The following DLG2 variants were observed in gnomAD, a reference collection of about 807,000 sequenced individuals.
DLG2 encodes the protein discs large MAGUK scaffold protein 2, also known as disks large homolog 2.
Under a neutral mutation model 132.5 loss-of-function variants are expected in DLG2, and 45 were observed. The observed-to-expected ratio is 0.34, with a 90% confidence interval of 0.27 to 0.44. The LOEUF is 0.44. Ranked by LOEUF, DLG2 falls within the 20% of genes least tolerant of loss-of-function variation. The pLI is 1.00. For synonymous variants in DLG2, 424 were observed against 419.6 expected (o/e 1.01, Z -0.13); for missense variants, 1,045 against 1,196.9 (o/e 0.87, Z 1.87).
At chr11:84,540,931 T>TATCA (rs1158729375) in intron 6 of DLG2, among the ~76,000 whole-genome samples, 1 of 152,072 alleles carries the variant, frequency 6.6e-6, no homozygotes, top group African/African-American at 2.4e-5. Context: ...CTGAGCAAAC[T>TATCA]ATCACAAGGA....
chr11:85,182,048 AG>A (rs551189519), intron 4 of DLG2, among the ~76,000 whole-genome samples: 39 of 152,094 alleles, frequency 2.6e-4, no homozygotes, highest in Admixed American at 4.6e-4. Flanking sequence ...AGAAATAAAT[AG>A]TTTTTATTTT....
chr11:83,994,429 A>G (rs1405121733), intron 11 of DLG2, among the ~76,000 whole-genome samples: 1 of 152,126 alleles, frequency 6.6e-6, no homozygotes, highest in African/African-American at 2.4e-5. Context: ...ACAGGGGTCT[A>G]TGCTATGTTG....
At chr11:85,344,142 T>C (rs1415097751) in intron 3 of DLG2, among the ~76,000 whole-genome samples, 1 of 152,206 alleles carries the variant, frequency 6.6e-6, no homozygotes, top group Non-Finnish European at 1.5e-5. Context: ...TGTACCTCTG[T>C]CCACCTATAA....
chr11:84,611,506 C>CATT (rs956410468), intron 6 of DLG2, among the ~76,000 whole-genome samples: 1 of 152,132 alleles, frequency 6.6e-6, no homozygotes, highest in Non-Finnish European at 1.5e-5. Flanking sequence ...AAAATTCTAT[C>CATT]ATTATTAGTC....
At chr11:84,714,349 G>A (rs573780852) in intron 6 of DLG2, among the ~76,000 whole-genome samples, 6 of 152,142 alleles carry the variant, frequency 3.9e-5, no homozygotes, top group African/African-American at 1.4e-4. Context: ...AAACAAATGG[G>A]CAAACAAAAC....
intron 6 of DLG2, among the ~76,000 whole-genome samples, chr11:84,568,133 G>A (rs541304748): frequency 6.6e-6 from 1 of 152,316 alleles, no homozygotes; most frequent in Admixed American, 6.5e-5. Context: ...TAGAAACAAA[G>A]AAAGGAACCA....
chr11:84,850,652 TAAAG>T (rs1477715882), intron 6 of DLG2, among the ~76,000 whole-genome samples: 4 of 152,074 alleles, frequency 2.6e-5, no homozygotes, highest in Admixed American at 2.6e-4. Flanking sequence ...CAGAGTATCT[TAAAG>T]AATCCACAAA....
intron 19 of DLG2, among the ~76,000 whole-genome samples, chr11:83,628,050 T>C (rs950214778): frequency 6.6e-6 from 1 of 152,218 alleles, no homozygotes; most frequent in African/African-American, 2.4e-5. Flanking sequence ...CGCCCACTTT[T>C]TGATGGGGTT....
In DLG2 at chr11:84,302,693, T is replaced by A. The variant is rs915261526; in HGVS notation, c.520-51402A>T. ...TATTTTTTACCATAAGCTTGTATTA[T>A]ATTTAAACTAAATAATACAAATTGT... On this transcript the variant is annotated intron_variant, in intron 7 of 27. Transcript: ENST00000376104. Among the ~76,000 whole-genome samples the A allele has an allele frequency of 2.6e-5, 4 of 152,240 alleles. No individual in the cohort carries two copies. In the East Asian group the frequency reaches 7.7e-4, roughly 29 times the overall value.
intron 7 of DLG2, among the ~76,000 whole-genome samples, chr11:84,389,981 G>C (rs1327613856): frequency 6.6e-6 from 1 of 152,032 alleles, no homozygotes; most frequent in Non-Finnish European, 1.5e-5. Context: ...GTATCATTTA[G>C]GTATATATGT....
chr11:85,165,979 T>C (rs1020317469), intron 4 of DLG2, among the ~76,000 whole-genome samples: 2 of 152,134 alleles, frequency 1.3e-5, no homozygotes, highest in Admixed American at 1.3e-4. Context: ...ACCACATCTT[T>C]ACTGCCCACT....
chr11:83,514,589 G>A lies in DLG2; in HGVS notation c.2193+18119C>T, dbSNP rs577744677. The stretch of plus-strand genomic sequence containing the variant: ...ATGTTGAATAGGAGTGGTGAGAGAA[G>A]ACATCCCTGTCTTGTGCCAGTTTTC... On this transcript the variant is annotated intron_variant, in intron 21 of 27. Transcript: ENST00000376104. 8.9e-4 allele frequency among the ~76,000 whole-genome samples: 135 copies of A among 152,270 alleles called. 2 individuals are homozygous for A. The highest frequency in any genetic ancestry group is 7.5e-3 in the South Asian group (36 of 4,822).
At chr11:84,849,439 C>T (rs2081917189) in intron 6 of DLG2, among the ~76,000 whole-genome samples, 1 of 152,066 alleles carries the variant, frequency 6.6e-6, no homozygotes, top group South Asian at 2.1e-4. Context: ...TTGTCCTTTC[C>T]TACATATACA....
At chr11:85,555,169 T>C (rs1392941372) in intron 3 of DLG2, among the ~76,000 whole-genome samples, 2 of 151,968 alleles carry the variant, frequency 1.3e-5, no homozygotes, top group Non-Finnish European at 2.9e-5. Flanking sequence ...CATCAGGCAA[T>C]TACATAATTT....
chr11:84,710,033 C>T (rs932009117), intron 6 of DLG2, among the ~76,000 whole-genome samples: 14 of 151,914 alleles, frequency 9.2e-5, no homozygotes, highest in Admixed American at 5.3e-4. Flanking sequence ...TGTATGGGCC[C>T]TCATCTGATA....
chr11:84,638,596 A>C (rs2099644738), intron 6 of DLG2, among the ~76,000 whole-genome samples: 1 of 152,176 alleles, frequency 6.6e-6, no homozygotes, highest in Admixed American at 6.5e-5. Context: ...TATAAGGTTA[A>C]ATGAGTGTTA....
intron 6 of DLG2, among the ~76,000 whole-genome samples, chr11:85,012,783 T>A (rs1592675153): frequency 1.3e-5 from 2 of 152,118 alleles, no homozygotes; most frequent in South Asian, 4.1e-4. Context: ...TTCCCGACCA[T>A]TTTTGCTAAA....
intron 19 of DLG2, among the ~76,000 whole-genome samples, chr11:83,613,135 C>T (rs1359519249): frequency 6.6e-6 from 1 of 152,052 alleles, no homozygotes. Context: ...AACAAGAACA[C>T]AGAGGGGAAA....
intron 3 of DLG2, among the ~76,000 whole-genome samples, chr11:85,290,805 A>G (rs1434868957): frequency 1.3e-5 from 2 of 151,968 alleles, no homozygotes. Context: ...TTTAACCTAC[A>G]CTCCTTGAAA....
Sources: allele counts gnomAD v4.1 joint callset (sites outside exome capture counted in the v4.1 genomes callset), GRCh38; gene constraint gnomAD v4.1.1; transcripts MANE v1.5; gene names NCBI Gene and HGNC (gene_info 2026-07-23, HGNC 2026-07-21).